Variants in RBM26 observed in about 807,000 individuals in gnomAD.
RBM26 encodes RNA-binding protein 26.
Under a neutral mutation model 123.6 loss-of-function variants are expected in RBM26, and 30 were observed. The ratio of observed to expected loss-of-function variants is 0.24; its 90% CI spans 0.18 to 0.33. RBM26 has a LOEUF of 0.33. RBM26 is among the 10% of genes least tolerant of loss of function. RBM26 has a pLI of 1.00. For missense variants in RBM26, 947 were observed against 1,203.6 expected (o/e 0.79, Z 3.15); for synonymous variants, 400 against 404.4 (o/e 0.99, Z 0.13).
rs34668220 is a variant in RBM26 at position 79,320,742 on chromosome 13, C to CAAAAAAAAA, written c.2935-41_2935-33dup. 4 of 1,007,216 alleles carry CAAAAAAAAA rather than the reference C, an allele frequency of 4.0e-6. No individual in the cohort carries two copies. In the East Asian group the frequency reaches 1.1e-4, roughly 26 times the overall value. The allele number at this position is 1,007,216 out of a possible 1,614,324, so 62.4% of individuals were successfully genotyped here. On this transcript the variant is annotated intron_variant, in intron 21 of 21. Coordinates refer to ENST00000438737, the MANE Select transcript of RBM26 (RefSeq NM_001366735.2). ...GTTAAAATGTATTTAGGAATTTACC[C>CAAAAAAAAA]AAAAAAAAAAAAAAGAAAAGAAAAA...
intron 9 of RBM26, among the ~76,000 whole-genome samples, chr13:79,361,706 C>A (rs2074706467): frequency 6.6e-6 from 1 of 152,142 alleles, no homozygotes; most frequent in South Asian, 2.1e-4. Context: ...CTTTTGTCTG[C>A]AGCTTTTGGG....
chr13:79,382,605 G>A (rs1046475254), intron 1 of RBM26, among the ~76,000 whole-genome samples: 1 of 151,970 alleles, frequency 6.6e-6, no homozygotes, highest in African/African-American at 2.4e-5. Flanking sequence ...TACAAAATAA[G>A]GCATGAGATC....
intron 1 of RBM26, among the ~76,000 whole-genome samples, chr13:79,400,494 A>C (rs1324443543): frequency 6.6e-6 from 1 of 152,224 alleles, no homozygotes; most frequent in Admixed American, 6.5e-5. Flanking sequence ...CTCGTGACCT[A>C]ATCACCTCTT....
At chr13:79,399,830 T>C (rs1267793200) in intron 1 of RBM26, among the ~76,000 whole-genome samples, 4 of 152,066 alleles carry the variant, frequency 2.6e-5, no homozygotes, top group Non-Finnish European at 2.9e-5. Context: ...AGCCAAAAAA[T>C]TTCAAGCCAG....
intron 9 of RBM26, among the ~76,000 whole-genome samples, chr13:79,365,320 T>C (rs1197044046): frequency 1.3e-5 from 2 of 152,014 alleles, no homozygotes; most frequent in African/African-American, 4.8e-5. Context: ...TGGCAGGCAC[T>C]TGTGATCCCA....
intron 1 of RBM26, among the ~76,000 whole-genome samples, chr13:79,391,585 G>C (rs187504096): frequency 6.6e-6 from 1 of 152,036 alleles, no homozygotes; most frequent in Non-Finnish European, 1.5e-5. Flanking sequence ...CACAACACCA[G>C]GCTGATTTTT....
At chr13:79,335,041 A>AT (rs1297767910) in intron 19 of RBM26, among the ~76,000 whole-genome samples, 1 of 151,998 alleles carries the variant, frequency 6.6e-6, no homozygotes, top group Non-Finnish European at 1.5e-5. Flanking sequence ...GGTTTGTTGG[A>AT]TTTTTTTCCC....
chr13:79,332,680 TC>T, intron 20 of RBM26, among the ~76,000 whole-genome samples: 1 of 152,298 alleles, frequency 6.6e-6, no homozygotes, highest in East Asian at 1.9e-4. Flanking sequence ...AGTTATTCTG[TC>T]ACTTATTCAA....
At chr13:79,388,793 AAAGGT>A (rs750066774) in intron 1 of RBM26, among the ~76,000 whole-genome samples, 22 of 152,358 alleles carry the variant, frequency 1.4e-4, no homozygotes, top group East Asian at 7.7e-4. Flanking sequence ...AACTTTTTAA[AAAGGT>A]AAGATAAGCA....
intron 1 of RBM26, among the ~76,000 whole-genome samples, chr13:79,392,822 A>G (rs1477871305): frequency 6.6e-6 from 1 of 150,786 alleles, no homozygotes; most frequent in Non-Finnish European, 1.5e-5. Context: ...TAAATGAACT[A>G]ACTATATTCT....
intron 1 of RBM26, among the ~76,000 whole-genome samples, chr13:79,386,783 A>AATT (rs1410574175): frequency 6.6e-6 from 1 of 152,036 alleles, no homozygotes; most frequent in Non-Finnish European, 1.5e-5. Context: ...GATCTCAGGT[A>AATT]ACCCATCCCT....
intron 8 of RBM26, 133 bp from the exon 9 acceptor site, chr13:79,365,851 ATAACT>A (rs1566467101): frequency 6.2e-6 from 6 of 961,854 alleles, no homozygotes; most frequent in African/African-American, 3.3e-5. Context: ...CAAAAAGAAA[ATAACT>A]TTATTTAAAA....
At chr13:79,367,388 T>A (rs7333651) in intron 6 of RBM26, among the ~76,000 whole-genome samples, 1 of 136,732 alleles carries the variant, frequency 7.3e-6, no homozygotes, top group Admixed American at 7.7e-5. Flanking sequence ...GCCTGGGGTA[T>A]AGGGGGAGAC....
rs201061470 is a variant in RBM26, at chr13:79,390,205, CAAT to C, written c.72-11301_72-11299del. On this transcript the variant is annotated intron_variant, in intron 1 of 21. Coordinates refer to ENST00000438737, the MANE Select transcript of RBM26 (RefSeq NM_001366735.2). ...GACTTAAGAAATTGTGTCAAATTAA[CAAT>C]AATGAGAGCATTATTATTGTTAACT... is the stretch of plus-strand genomic sequence containing the variant. Among the ~76,000 whole-genome samples the C allele has an allele frequency of 4.9e-4, 75 of 152,150 alleles. 1 individual carries two copies. Among genetic ancestry groups the C allele is most frequent in the African/African-American group, 1.4e-3 (60 of 41,510 alleles).
At chr13:79,373,364 T>C (rs1174056824) in intron 3 of RBM26, among the ~76,000 whole-genome samples, 2 of 104,134 alleles carry the variant, frequency 1.9e-5, no homozygotes, top group Non-Finnish European at 1.7e-5. Context: ...AATATATAAA[T>C]ATATAATATA....
At chr13:79,334,281 A>T (rs2069935325) in intron 20 of RBM26, 63 bp downstream of exon 20, 1 of 928,646 alleles carries the variant, frequency 1.1e-6, no homozygotes, top group South Asian at 1.7e-5. Flanking sequence ...TTTATATTAA[A>T]ACTTAAAAGT....
At chr13:79,313,979 G>C (rs990279115), downstream of RBM26, 4 of 151,458 alleles carry the variant, frequency 2.6e-5, no homozygotes, top group African/African-American at 9.7e-5. Context: ...TTACTACCAA[G>C]TATAGCTTCC....
At chr13:79,393,340 C>A (rs2078265621) in intron 1 of RBM26, among the ~76,000 whole-genome samples, 1 of 152,268 alleles carries the variant, frequency 6.6e-6, no homozygotes, top group South Asian at 2.1e-4. Flanking sequence ...AAGCTGCCCA[C>A]TTGGCCCTCT....
At chr13:79,343,712 T>C (rs2071815278) in intron 16 of RBM26, among the ~76,000 whole-genome samples, 1 of 151,946 alleles carries the variant, frequency 6.6e-6, no homozygotes, top group South Asian at 2.1e-4. Context: ...TAATAAAATA[T>C]TTTGCTTAAC....
Sources: allele counts gnomAD v4.1 joint callset (sites outside exome capture counted in the v4.1 genomes callset), GRCh38; gene constraint gnomAD v4.1.1; transcripts MANE v1.5; gene names NCBI Gene and HGNC (gene_info 2026-07-23, HGNC 2026-07-21).